CSF1R: variants seen among roughly 807,000 people sequenced by gnomAD.
The protein encoded by CSF1R is macrophage colony-stimulating factor 1 receptor.
In CSF1R, 40 loss-of-function variants were observed where a neutral mutation model predicts 110.0. The observed-to-expected ratio is 0.36, with a 90% confidence interval of 0.28 to 0.47. The LOEUF (loss-of-function observed/expected upper bound fraction) is 0.47, where lower values mean the gene tolerates loss of function less well. CSF1R is among the 20% of genes least tolerant of loss of function. The pLI is 0.99. For missense variants in CSF1R, 1,052 were observed against 1,253.0 expected (o/e 0.84, Z 2.42); for synonymous variants, 523 against 503.4 (o/e 1.04, Z -0.52).
chr5:150,089,657 A>G (rs1336771145), upstream of CSF1R, among the ~76,000 whole-genome samples: 2 of 152,208 alleles, frequency 1.3e-5, no homozygotes, highest in African/African-American at 2.4e-5. Context: ...ATCCCTATCA[A>G]AATCCCAACA....
chr5:150,086,601 C>A, upstream of CSF1R: 1 of 564,166 alleles, frequency 1.8e-6, no homozygotes. Flanking sequence ...TCTTCTTCCC[C>A]TTTTAGCTAG....
At chr5:150,056,813 G>A (rs1039333105) in intron 16 of CSF1R, among the ~76,000 whole-genome samples, 13 of 152,286 alleles carry the variant, frequency 8.5e-5, no homozygotes, top group Admixed American at 1.3e-4. Context: ...TTAAAGTCAC[G>A]GAGCAGGTGG....
At position 150,080,787 on chromosome 5, in the gene CSF1R, G is replaced by A; in HGVS notation, c.287C>T (p.Ala96Val). The A allele has an allele frequency of 1.9e-6, 3 of 1,614,138 alleles. No homozygotes were observed. In the South Asian group the frequency reaches 3.3e-5, roughly 18 times the overall value. ...CTCACCTTTGACATAGAGGTGGATGGCGGCGCTGCCTCCCAGGGGGTCTCC... is the reference window on the plus strand; with the variant it reads ...CTCACCTTTGACATAGAGGTGGATGACGGCGCTGCCTCCCAGGGGGTCTCC... ...EPGDPLGGSA[A>V]IHLYVKDPAR... The change falls in exon 2 of 21, where the codon GCC becomes GTC. Residue 96 changes from alanine to valine, a missense_variant. Physicochemically the swap from Ala to Val is moderately conservative, Grantham distance 64 (BLOSUM62 0). Coordinates refer to ENST00000675795, the MANE Select transcript of CSF1R (RefSeq NM_001288705.3).
At chr5:150,099,028 G>T (rs887779905) in intron 1 of CSF1R, among the ~76,000 whole-genome samples, 5 of 150,848 alleles carry the variant, frequency 3.3e-5, no homozygotes, top group Non-Finnish European at 7.4e-5. Flanking sequence ...CAAGTAGCTG[G>T]GATTGCAGGT....
chr5:150,105,591 C>T (rs1224972509), intron 1 of CSF1R, among the ~76,000 whole-genome samples: 1 of 151,616 alleles, frequency 6.6e-6, no homozygotes, highest in East Asian at 2.0e-4. Flanking sequence ...GTCAGAGTTA[C>T]AGCTCACTGA....
At chr5:150,073,232 T>A in intron 6 of CSF1R, 69 bp downstream of exon 6, 1 of 1,505,060 alleles carries the variant, frequency 6.6e-7, no homozygotes, top group East Asian at 2.3e-5. Context: ...GAGCCAAGCG[T>A]CCTGATGCTT....
intron 12 of CSF1R, 62 bp downstream of exon 12, chr5:150,061,429 G>A: frequency 8.0e-7 from 1 of 1,253,418 alleles, no homozygotes; most frequent in Non-Finnish European, 1.1e-6. Flanking sequence ...TGACACCAGG[G>A]CCAGCCCACC....
At chr5:150,087,638 C>T (rs1201157084), upstream of CSF1R, among the ~76,000 whole-genome samples, 1 of 152,162 alleles carries the variant, frequency 6.6e-6, no homozygotes, top group Non-Finnish European at 1.5e-5. Context: ...CCTTTGCTCC[C>T]TCTTTTCCTG....
chr5:150,066,628 T>C (rs956076397), intron 10 of CSF1R, among the ~76,000 whole-genome samples: 5 of 152,260 alleles, frequency 3.3e-5, no homozygotes, highest in African/African-American at 1.2e-4. Context: ...CTTCTCATGC[T>C]GAGTGCTGGC....
intron 1 of CSF1R, among the ~76,000 whole-genome samples, chr5:150,101,126 G>A (rs62380712): frequency 0.2 from 30,576 of 151,834 alleles, 3,663 homozygotes; most frequent in Middle Eastern, 0.38. Flanking sequence ...GGGCTTGGTC[G>A]TGCAGGTGCT....
chr5:150,069,187 G>A (rs1757920241), intron 9 of CSF1R, among the ~76,000 whole-genome samples: 1 of 152,230 alleles, frequency 6.6e-6, no homozygotes, highest in Non-Finnish European at 1.5e-5. Context: ...GGGGACGTGA[G>A]TGACCACCCC....
At chr5:150,111,543 A>G (rs936027645) in intron 1 of CSF1R, among the ~76,000 whole-genome samples, 1 of 152,120 alleles carries the variant, frequency 6.6e-6, no homozygotes, top group African/African-American at 2.4e-5. Context: ...GTCCTTTCCT[A>G]TCCTTTCTCT....
At chr5:150,079,703 G>T (rs995051078) in intron 3 of CSF1R, among the ~76,000 whole-genome samples, 16 of 152,220 alleles carry the variant, frequency 1.1e-4, no homozygotes, top group African/African-American at 3.9e-4. Context: ...CCTTCTTCAT[G>T]TCATTCAGAT....
Position 150,070,289 on chromosome 5 carries a change from T to G in CSF1R, c.1212A>C (p.Val404=). 6.2e-7 allele frequency: 1 copy of G among 1,614,102 alleles called. No homozygotes were observed. Among genetic ancestry groups the G allele is most frequent in the Non-Finnish European group, 8.5e-7 (1 of 1,179,982 alleles). ...CGTTGATGAATGTCCATATGACGCT[T>G]ACCTCTGGGGGGTCTGAGGAAGAAA... The part of the protein sequence containing the change: ...FELTLRYPPE[V]SVIWTFINGS... The change falls in exon 8 of 21, where the codon GTA becomes GTC. Residue 404 remains valine (V), a synonymous_variant. Coordinates refer to ENST00000675795, the MANE Select transcript of CSF1R (RefSeq NM_001288705.3).
intron 3 of CSF1R, among the ~76,000 whole-genome samples, chr5:150,079,333 G>C (rs1341244832): frequency 6.6e-6 from 1 of 152,196 alleles, no homozygotes; most frequent in African/African-American, 2.4e-5. Context: ...CCTGGCCCTT[G>C]TTACAGGGAC....
chr5:150,084,943 T>A (rs1758769165), intron 1 of CSF1R, among the ~76,000 whole-genome samples: 1 of 151,968 alleles, frequency 6.6e-6, no homozygotes, highest in African/African-American at 2.4e-5. Context: ...TCATTGAACT[T>A]AAGAACCTGT....
At chr5:150,083,369 C>A (rs1056448066) in intron 1 of CSF1R, among the ~76,000 whole-genome samples, 2 of 141,598 alleles carry the variant, frequency 1.4e-5, no homozygotes, top group African/African-American at 5.9e-5. Context: ...CACACACACA[C>A]ACACACACAC....
rs775702565 is a variant in CSF1R at position 150,056,020 on chromosome 5, G to A, written c.2554+6C>T. On this transcript the variant is annotated splice_donor_region_variant and intron_variant, in intron 18 of 20. Coordinates refer to ENST00000675795, the MANE Select transcript of CSF1R (RefSeq NM_001288705.3). ...GGCTCTGCCTGGAGTGGGCCCAGTG[G>A]CTCACCAAGTGAGAAGATCTCCCAG... The A allele has an allele frequency of 6.2e-7, 1 of 1,613,200 alleles. No homozygotes were observed. Among genetic ancestry groups the A allele is most frequent in the Non-Finnish European group, 8.5e-7 (1 of 1,179,200 alleles).
In CSF1R at chr5:150,053,731, A is replaced by G. The variant is rs1757034984; in HGVS notation, c.*338T>C. 3 of 410,372 alleles carry G rather than the reference A, an allele frequency of 7.3e-6. No individual in the cohort carries two copies. Among genetic ancestry groups the G allele is most frequent in the Non-Finnish European group, 1.3e-5 (3 of 223,268 alleles). The allele number at this position is 410,372 out of a possible 1,614,324, so 25.4% of individuals were successfully genotyped here. Reference sequence around the variant, plus strand: ...TCAGTGTAGCTCCTGGGGACTTCATAGGCATAAAGTCAGTCCATTTCCATG... The same window carrying G: ...TCAGTGTAGCTCCTGGGGACTTCATGGGCATAAAGTCAGTCCATTTCCATG... On this transcript the variant is annotated 3_prime_UTR_variant, in exon 21 of 21. Transcript: ENST00000675795.
Sources: allele counts gnomAD v4.1 joint callset (sites outside exome capture counted in the v4.1 genomes callset), GRCh38; gene constraint gnomAD v4.1.1; transcripts MANE v1.5; gene names NCBI Gene and HGNC (gene_info 2026-07-23, HGNC 2026-07-21).